Variants in CENPS observed in about 807,000 individuals in gnomAD.
CENPS encodes the protein FANCM associated histone fold protein 1.
Under a neutral mutation model 17.9 loss-of-function variants are expected in CENPS, and 16 were observed. The observed-to-expected ratio is 0.90, with a 90% CI of 0.61 to 1.36. CENPS has a LOEUF of 1.36. CENPS is among the 40% of genes most tolerant of loss of function. CENPS has a pLI of 0.00. For missense variants in CENPS, 160 were observed against 158.6 expected, an observed-to-expected ratio of 1.01 and a Z score of -0.05; for synonymous variants, 49 against 55.8, an observed-to-expected ratio of 0.88 and a Z score of 0.54.
intron 3 of CENPS, among the ~76,000 whole-genome samples, chr1:10,437,708 C>T (rs1640230219): frequency 6.7e-6 from 1 of 150,164 alleles, no homozygotes; most frequent in Admixed American, 6.7e-5. Flanking sequence ...CCACCCACCT[C>T]GGCCAGCCAA....
intron 3 of CENPS, among the ~76,000 whole-genome samples, chr1:10,439,653 A>AT (rs1640323086): frequency 6.6e-6 from 1 of 152,062 alleles, no homozygotes; most frequent in Admixed American, 6.6e-5. Flanking sequence ...GAGGCAGAGA[A>AT]TTGCTTTAAC....
At chr1:10,435,781 T>A (rs1419682613) in intron 3 of CENPS, among the ~76,000 whole-genome samples, 1 of 151,584 alleles carries the variant, frequency 6.6e-6, no homozygotes, top group African/African-American at 2.4e-5. Flanking sequence ...CTTGGTATGT[T>A]GCCCAGGCTG....
chr1:10,431,521 C>T (rs1639913470), intron 1 of CENPS: 7 of 1,248,434 alleles, frequency 5.6e-6, no homozygotes, highest in South Asian at 2.8e-5. Context: ...TATTTTGACA[C>T]TTCGCCTTTA....
intron 3 of CENPS, 119 bp downstream of exon 3, chr1:10,434,809 C>T (rs1640075125): frequency 7.4e-6 from 10 of 1,355,332 alleles, no homozygotes; most frequent in Non-Finnish European, 8.8e-6. Context: ...TTTGTGGAGG[C>T]TTGTCTCTAA....
At position 10,442,655 on chromosome 1, in the gene CENPS, A is replaced by C; in HGVS notation, c.*250A>C. ...GAACATAAAAATGGTGTGTGATCAA[A>C]TGGTATATATTAGAAATTACATCTG... is the stretch of plus-strand genomic sequence containing the variant. On this transcript the variant is annotated 3_prime_UTR_variant, in exon 5 of 5. Coordinates refer to ENST00000309048, the MANE Select transcript of CENPS (RefSeq NM_199294.3). 2.4e-6 allele frequency: 1 copy of C among 417,526 alleles called. No homozygotes were observed. The highest frequency in any genetic ancestry group is 3.8e-6 in the Non-Finnish European group (1 of 264,912). 25.9% of individuals were successfully genotyped at this position (417,526 alleles called of 1,614,324 possible). A position where few individuals can be genotyped will look rare whatever the true frequency, so the allele number is the denominator to read the frequency against.
intron 3 of CENPS, among the ~76,000 whole-genome samples, chr1:10,439,155 T>A (rs1475894668): frequency 6.6e-6 from 1 of 152,220 alleles, no homozygotes; most frequent in Non-Finnish European, 1.5e-5. Context: ...TTGGCCAAAT[T>A]ATGGAGAATA....
intron 1 of CENPS, among the ~76,000 whole-genome samples, 183 bp from the exon 2 acceptor site, chr1:10,433,659 C>T (rs1375393051): frequency 6.6e-6 from 1 of 152,164 alleles, no homozygotes. Flanking sequence ...AGTAATGTTT[C>T]CACAAGTCGC....
intron 4 of CENPS, 89 bp downstream of exon 4, chr1:10,440,502 A>G: frequency 6.5e-7 from 1 of 1,533,008 alleles, no homozygotes; most frequent in Non-Finnish European, 8.8e-7. Context: ...GTTATTCCCC[A>G]GGGCACCTTG....
intron 4 of CENPS, among the ~76,000 whole-genome samples, 173 bp from the exon 5 acceptor site, chr1:10,442,092 A>C (rs59548624): frequency 1.4e-5 from 1 of 72,264 alleles, no homozygotes; most frequent in African/African-American, 3.3e-5. Flanking sequence ...AAAAAAAAAG[A>C]AAAAAAAAAT....
At chr1:10,440,531 G>T in intron 4 of CENPS, 118 bp downstream of exon 4, 1 of 1,380,080 alleles carries the variant, frequency 7.2e-7, no homozygotes, top group Middle Eastern at 1.8e-4. Flanking sequence ...ACTAGAGGTG[G>T]CTGAACCATT....
intron 1 of CENPS, among the ~76,000 whole-genome samples, chr1:10,433,594 C>G (rs1015702052): frequency 6.6e-6 from 1 of 152,240 alleles, no homozygotes; most frequent in Non-Finnish European, 1.5e-5. Context: ...TCCCCACTGA[C>G]TTGCCATCTA....
chr1:10,436,057 A>T (rs992380755), intron 3 of CENPS, among the ~76,000 whole-genome samples: 3 of 151,198 alleles, frequency 2.0e-5, no homozygotes, highest in Admixed American at 6.6e-5. Context: ...GGCTCACTGC[A>T]ATCTCTGCCT....
At chr1:10,432,009 T>G (rs1481477768) in intron 1 of CENPS, among the ~76,000 whole-genome samples, 1 of 152,150 alleles carries the variant, frequency 6.6e-6, no homozygotes, top group Non-Finnish European at 1.5e-5. Flanking sequence ...CTGTCTTTTT[T>G]CCTTCATCCA....
intron 3 of CENPS, among the ~76,000 whole-genome samples, chr1:10,437,392 TC>T (rs1640211157): frequency 7.8e-6 from 1 of 127,512 alleles, no homozygotes; most frequent in Non-Finnish European, 1.7e-5. Flanking sequence ...GATTCTTATT[TC>T]TTATTTCTTT....
chr1:10,434,703 C>A lies in CENPS; in HGVS notation c.209+13C>A. ...AAATGTTTGCAAGGTGGGTAGAGAA[C>A]TTGATTATCCGACACTGCGTCTGTG... is the stretch of plus-strand genomic sequence containing the variant. On this transcript the variant is annotated intron_variant, in intron 3 of 4. Coordinates refer to ENST00000309048, the MANE Select transcript of CENPS (RefSeq NM_199294.3). 6.2e-7 allele frequency: 1 copy of A among 1,600,402 alleles called. No individual in the cohort carries two copies. Among genetic ancestry groups the A allele is most frequent in the South Asian group, 1.1e-5 (1 of 88,512 alleles).
chr1:10,433,808 C>CT, intron 1 of CENPS, 34 bp from the exon 2 acceptor site: 1 of 1,613,542 alleles, frequency 6.2e-7, no homozygotes, highest in Non-Finnish European at 8.5e-7. Flanking sequence ...TATTTGCAGC[C>CT]TTACCCGTGA....
intron 1 of CENPS, 30 bp downstream of exon 1, chr1:10,430,598 G>T (rs547690900): frequency 4.6e-6 from 7 of 1,527,662 alleles, no homozygotes; most frequent in Non-Finnish European, 5.3e-6. Context: ...GGGCTGGGCT[G>T]GGGCAGGACG....
intron 3 of CENPS, among the ~76,000 whole-genome samples, chr1:10,439,007 T>C (rs72867498): frequency 0.12 from 17,749 of 152,158 alleles, 1,134 homozygotes; most frequent in South Asian, 0.22. Context: ...TTTTCTCCCC[T>C]GTGTCCTGGT....
In CENPS at chr1:10,442,554, T is replaced by C; in HGVS notation, c.*149T>C. On this transcript the variant is annotated 3_prime_UTR_variant, in exon 5 of 5. Coordinates refer to ENST00000309048, the MANE Select transcript of CENPS (RefSeq NM_199294.3). ...CTAGGGTGCTTTTTGTGCTGAATTC[T>C]CCACATTGTTAACTGCCAAAGCTAG... is the stretch of plus-strand genomic sequence containing the variant. The C allele has an allele frequency of 8.0e-7, 1 of 1,257,694 alleles. No individual in the cohort carries two copies. Among genetic ancestry groups the C allele is most frequent in the South Asian group, 3.0e-5 (1 of 33,106 alleles). The allele number at this position is 1,257,694 out of a possible 1,614,324, so 77.9% of individuals were successfully genotyped here.
Sources: allele counts gnomAD v4.1 joint callset (sites outside exome capture counted in the v4.1 genomes callset), GRCh38; gene constraint gnomAD v4.1.1; transcripts MANE v1.5; gene names NCBI Gene and HGNC (gene_info 2026-07-23, HGNC 2026-07-21).